Variants in SPATA6 observed in about 807,000 individuals in gnomAD.
The protein encoded by SPATA6 is spermatogenesis associated 6, also known as spermatogenesis-associated protein 6.
Under a neutral mutation model 65.3 loss-of-function variants are expected in SPATA6, and 56 were observed. The ratio of observed to expected loss-of-function variants is 0.86; its 90% CI spans 0.69 to 1.07. SPATA6 has a LOEUF of 1.07. Among genes scored for constraint, SPATA6 ranks in the 50% least tolerant of loss-of-function variants. The pLI, the probability that SPATA6 is intolerant of heterozygous loss-of-function variation, is 0.00. For missense variants in SPATA6, 590 were observed against 594.8 expected (o/e 0.99, Z 0.08); for synonymous variants, 199 against 213.2 (o/e 0.93, Z 0.58).
chr1:48,399,532 C>T lies in SPATA6; in HGVS notation c.599G>A (p.Cys200Tyr), dbSNP rs1650952353. ...KSKSPERSKY[C>Y]INAKNYEQPT... ...CTGTTCGTAGTTTTTTGCATTTATA[C>T]AGTATTTACTTCTCTCAGGTGACTT... The change falls in exon 7 of 13, where the codon TGT becomes TAT. Residue 200 changes from cysteine (C) to tyrosine (Y), a missense_variant. Transcript: ENST00000371847. 1 of 1,613,174 alleles carries T rather than the reference C, an allele frequency of 6.2e-7. No homozygotes were observed. The highest frequency in any genetic ancestry group is 8.5e-7 in the Non-Finnish European group (1 of 1,179,418).
chr1:48,363,391 T>G (rs1304249707), intron 9 of SPATA6, among the ~76,000 whole-genome samples: 2 of 152,146 alleles, frequency 1.3e-5, no homozygotes, highest in Non-Finnish European at 2.9e-5. Flanking sequence ...GTCCAAAAAC[T>G]TAAGTTCAAA....
intron 12 of SPATA6, among the ~76,000 whole-genome samples, chr1:48,304,405 C>G (rs1195132250): frequency 6.6e-6 from 1 of 152,086 alleles, no homozygotes; most frequent in South Asian, 2.1e-4. Flanking sequence ...AAAAAAGAAC[C>G]AATATTGGGG....
intron 9 of SPATA6, among the ~76,000 whole-genome samples, chr1:48,363,786 T>C (rs1476235291): frequency 2.6e-5 from 4 of 151,584 alleles, no homozygotes; most frequent in African/African-American, 9.7e-5. Flanking sequence ...TTTTTTCTTT[T>C]TTTATTTTTT....
intron 1 of SPATA6, among the ~76,000 whole-genome samples, chr1:48,466,656 G>GT (rs78982922): frequency 3.6e-4 from 53 of 148,924 alleles, no homozygotes; most frequent in Non-Finnish European, 4.6e-4. Flanking sequence ...AAAGGATTCA[G>GT]TTTTTTTTTT....
chr1:48,318,140 T>C (rs1324376044), intron 11 of SPATA6, among the ~76,000 whole-genome samples: 1 of 152,136 alleles, frequency 6.6e-6, no homozygotes, highest in Non-Finnish European at 1.5e-5. Flanking sequence ...TTCCTCAAGA[T>C]GGTAAATGCC....
the SPATA6 span, among the ~76,000 whole-genome samples, chr1:48,275,165 C>G: frequency 1.3e-5 from 2 of 152,124 alleles, no homozygotes; most frequent in African/African-American, 4.8e-5. Flanking sequence ...CATAGGAATG[C>G]TTGTAATTTT....
the SPATA6 span, among the ~76,000 whole-genome samples, chr1:48,261,640 A>G: frequency 6.6e-6 from 1 of 152,174 alleles, no homozygotes; most frequent in African/African-American, 2.4e-5. Context: ...TCCTGCAGAG[A>G]CTTTCAGATG....
intron 11 of SPATA6, among the ~76,000 whole-genome samples, chr1:48,353,159 TTTC>T (rs1440709274): frequency 2.6e-5 from 4 of 151,850 alleles, no homozygotes; most frequent in Admixed American, 6.6e-5. Context: ...ACAAAAATAA[TTTC>T]TTGTGTTTTA....
intron 3 of SPATA6, chr1:48,437,159 T>C (rs1240622792): frequency 5.6e-6 from 9 of 1,606,352 alleles, no homozygotes; most frequent in Middle Eastern, 1.7e-4. Context: ...TTGCCTCCAG[T>C]GTTACCTTGG....
In SPATA6 at chr1:48,438,436, G is replaced by T. The variant is rs764460631; in HGVS notation, c.238+13116C>A. Among the ~76,000 whole-genome samples the T allele has an allele frequency of 7.9e-4, 120 of 152,136 alleles. 1 individual carries two copies. Among genetic ancestry groups the T allele is most frequent in the Admixed American group, 1.0e-3 (16 of 15,280 alleles). On this transcript the variant is annotated intron_variant, in intron 3 of 12. Transcript: ENST00000371847. ...AAAGACCCAGTTGTCAGGCTTTCTG[G>T]GAAAGAGCTTTCTAACAACCCCCAA...
At chr1:48,447,310 G>A (rs1182423509) in intron 3 of SPATA6, among the ~76,000 whole-genome samples, 1 of 152,074 alleles carries the variant, frequency 6.6e-6, no homozygotes, top group African/African-American at 2.4e-5. Flanking sequence ...CCTGAGGTCA[G>A]GAGTTCCAGA....
chr1:48,456,875 TACC>T (rs1204979627), intron 1 of SPATA6, among the ~76,000 whole-genome samples: 2 of 152,116 alleles, frequency 1.3e-5, no homozygotes. Flanking sequence ...ACCTGTGGGA[TACC>T]ACCAAGCACA....
intron 11 of SPATA6, among the ~76,000 whole-genome samples, chr1:48,329,185 C>T (rs900801175): frequency 1.3e-5 from 2 of 152,046 alleles, no homozygotes; most frequent in Non-Finnish European, 2.9e-5. Flanking sequence ...TTCTAAATTA[C>T]CACAGAGCCA....
At chr1:48,389,948 G>C (rs1005654026) in intron 8 of SPATA6, among the ~76,000 whole-genome samples, 2 of 152,040 alleles carry the variant, frequency 1.3e-5, no homozygotes, top group Middle Eastern at 3.2e-3. Flanking sequence ...AAGAGAAAAA[G>C]AAAGGACCAA....
intron 9 of SPATA6, among the ~76,000 whole-genome samples, chr1:48,367,006 CGTT>C (rs947417956): frequency 2.0e-3 from 304 of 152,202 alleles, no homozygotes; most frequent in African/African-American, 6.9e-3. Context: ...TCTTTGTTCT[CGTT>C]GGTTTCAAAG....
the SPATA6 span, among the ~76,000 whole-genome samples, chr1:48,265,749 C>G: frequency 6.6e-6 from 1 of 152,078 alleles, no homozygotes; most frequent in African/African-American, 2.4e-5. Flanking sequence ...TCTCCAGAGG[C>G]TGGGATTTTT....
rs1412523482 is a variant in SPATA6, at chr1:48,451,578, G to A, written c.212C>T (p.Pro71Leu). The A allele has an allele frequency of 6.2e-7, 1 of 1,612,416 alleles. No homozygotes were observed. The highest frequency in any genetic ancestry group is 8.5e-7 in the Non-Finnish European group (1 of 1,179,356). Residue 71 changes from proline (P) to leucine (L), a missense_variant, in exon 3 of 13, where the codon CCT becomes CTT. Pro to Leu is a moderately conservative substitution (Grantham distance 98). Transcript: ENST00000371847. ...TTCAAGCTGTGTAACCACATCTCCAGGATCTACTGCGTCCGGGAACACCTA... is the reference window on the plus strand; with the variant it reads ...TTCAAGCTGTGTAACCACATCTCCAAGATCTACTGCGTCCGGGAACACCTA... ...FEKVFPDAVDPGDVVTQLEYD... is the reference protein window; with the variant it reads ...FEKVFPDAVDLGDVVTQLEYD...
intron 3 of SPATA6, among the ~76,000 whole-genome samples, chr1:48,438,709 C>A (rs544961220): frequency 1.2e-4 from 18 of 152,318 alleles, no homozygotes; most frequent in African/African-American, 4.1e-4. Context: ...AACTTCCTCT[C>A]GCCTCTTTTC....
At position 48,446,968 on chromosome 1, in the gene SPATA6, TTC is replaced by T. The variant is rs575873556; in HGVS notation, c.238+4582_238+4583del. Among the ~76,000 whole-genome samples the T allele has an allele frequency of 1.7e-4, 26 of 152,282 alleles. No homozygotes were observed. In the South Asian group the frequency reaches 2.3e-3, roughly 13 times the overall value. ...ACCACTGAGACGCGAGACCAACCTC[TTC>T]TCTTTCTCTTCCTCCTCAGCCTGCT... On this transcript the variant is annotated intron_variant, in intron 3 of 12. Transcript: ENST00000371847.
Sources: allele counts gnomAD v4.1 joint callset (sites outside exome capture counted in the v4.1 genomes callset), GRCh38; gene constraint gnomAD v4.1.1; transcripts MANE v1.5; gene names NCBI Gene and HGNC (gene_info 2026-07-23, HGNC 2026-07-21).